The following TCF4 variants were observed in gnomAD, a reference collection of about 807,000 sequenced individuals.
TCF4 encodes the protein SL3-3 enhancer factor 2.
Under a neutral mutation model 82.1 loss-of-function variants are expected in TCF4, and 3 were observed. That is an observed-to-expected ratio of 0.04 (90% CI 0.02 to 0.09). The LOEUF (loss-of-function observed/expected upper bound fraction) is 0.09, where lower values mean the gene tolerates loss of function less well. Among genes scored for constraint, TCF4 ranks in the 10% least tolerant of loss-of-function variants. The pLI is 1.00. For missense variants in TCF4, 518 were observed against 852.7 expected (o/e 0.61, Z 4.89); for synonymous variants, 276 against 309.6 (o/e 0.89, Z 1.14).
intron 6 of TCF4, among the ~76,000 whole-genome samples, chr18:55,393,282 T>G (rs1428577925): frequency 6.6e-6 from 1 of 152,182 alleles, no homozygotes; most frequent in East Asian, 1.9e-4. Flanking sequence ...GAGGATTGCT[T>G]GAGCCCAGGA....
intron 3 of TCF4, among the ~76,000 whole-genome samples, chr18:55,537,417 C>A (rs2097126445): frequency 6.6e-6 from 1 of 152,010 alleles, no homozygotes; most frequent in South Asian, 2.1e-4. Flanking sequence ...TGGCGAAACA[C>A]CATCTCTACA....
intron 2 of TCF4, chr18:55,585,674 C>A (rs1452462769): frequency 2.4e-6 from 2 of 845,548 alleles, no homozygotes; most frequent in East Asian, 5.3e-5. Flanking sequence ...TAGAAAAACA[C>A]TAGTTTCACC....
At chr18:55,242,216 G>A (rs2051469823) in intron 15 of TCF4, among the ~76,000 whole-genome samples, 1 of 152,110 alleles carries the variant, frequency 6.6e-6, no homozygotes, top group African/African-American at 2.4e-5. Flanking sequence ...ATGCATTACA[G>A]ACACCACCCT....
chr18:55,480,276 C>CAA (rs74180500), intron 3 of TCF4, among the ~76,000 whole-genome samples: 6,240 of 27,538 alleles, frequency 0.23, 1,058 homozygotes, highest in East Asian at 0.42. Flanking sequence ...GTAGGAACTC[C>CAA]AAAAAAAAAA....
At chr18:55,582,903 G>A (rs1250640080) in intron 3 of TCF4, among the ~76,000 whole-genome samples, 2 of 152,062 alleles carry the variant, frequency 1.3e-5, no homozygotes, top group African/African-American at 4.8e-5. Context: ...TCTCTCCAAA[G>A]TTTCCTAGTT....
At chr18:55,344,791 G>A (rs1244986984) in intron 8 of TCF4, among the ~76,000 whole-genome samples, 1 of 152,052 alleles carries the variant, frequency 6.6e-6, no homozygotes, top group Non-Finnish European at 1.5e-5. Context: ...GCTTCTTTCT[G>A]GGGGAAGGAA....
chr18:55,341,811 C>T (rs1009666086), intron 8 of TCF4, among the ~76,000 whole-genome samples: 5 of 152,108 alleles, frequency 3.3e-5, no homozygotes, highest in African/African-American at 4.8e-5. Flanking sequence ...ATGTGTTACA[C>T]TTTGTGGGTT....
intron 6 of TCF4, among the ~76,000 whole-genome samples, chr18:55,386,005 T>C (rs2092569585): frequency 6.6e-6 from 1 of 152,188 alleles, no homozygotes; most frequent in Admixed American, 6.5e-5. Context: ...AATCTCAATC[T>C]GCATTCATGA....
chr18:55,605,999 C>G (rs970387992), intron 2 of TCF4, among the ~76,000 whole-genome samples: 1 of 152,212 alleles, frequency 6.6e-6, no homozygotes, highest in Non-Finnish European at 1.5e-5. Context: ...ATCAGAAACT[C>G]CGGGGTGGGC....
upstream of TCF4, among the ~76,000 whole-genome samples, chr18:55,590,445 T>C (rs1285552747): frequency 2.6e-5 from 4 of 152,230 alleles, no homozygotes; most frequent in African/African-American, 9.6e-5. Context: ...CTTTGTAGAC[T>C]CAAATGTAGT....
chr18:55,531,729 A>G (rs887577588), intron 3 of TCF4, among the ~76,000 whole-genome samples: 3 of 152,238 alleles, frequency 2.0e-5, no homozygotes, highest in Admixed American at 2.0e-4. Flanking sequence ...AATAAAGCCT[A>G]GAAAAGTTAT....
intron 3 of TCF4, among the ~76,000 whole-genome samples, chr18:55,493,890 T>TG (rs1413367326): frequency 2.0e-5 from 3 of 152,086 alleles, no homozygotes; most frequent in Admixed American, 6.6e-5. Flanking sequence ...ATCCTGCACC[T>TG]GTCCCATCAA....
At chr18:55,383,245 T>A (rs1482993790) in intron 6 of TCF4, among the ~76,000 whole-genome samples, 1 of 152,238 alleles carries the variant, frequency 6.6e-6, no homozygotes. Flanking sequence ...ATCTTCTTTT[T>A]CACCCAGGTT....
chr18:55,603,686 C>T (rs1480020414), intron 2 of TCF4, among the ~76,000 whole-genome samples: 2 of 152,158 alleles, frequency 1.3e-5, no homozygotes, highest in African/African-American at 4.8e-5. Flanking sequence ...TGCATCTCTG[C>T]TGCTGGTTAA....
At chr18:55,437,780 A>G (rs1198744268) in intron 5 of TCF4, among the ~76,000 whole-genome samples, 1 of 152,234 alleles carries the variant, frequency 6.6e-6, no homozygotes, top group Non-Finnish European at 1.5e-5. Flanking sequence ...GAAGAACTGC[A>G]AAGTGCAATC....
chr18:55,324,741 A>T (rs1444755520), intron 8 of TCF4, among the ~76,000 whole-genome samples: 1 of 152,014 alleles, frequency 6.6e-6, no homozygotes, highest in Non-Finnish European at 1.5e-5. Context: ...GGTTAGCCAC[A>T]CTATACAGAA....
At chr18:55,595,312 G>A (rs1439162290) in intron 2 of TCF4, among the ~76,000 whole-genome samples, 1 of 152,164 alleles carries the variant, frequency 6.6e-6, no homozygotes, top group African/African-American at 2.4e-5. Context: ...TCAATTCACT[G>A]TCTTTCCTCA....
chr18:55,565,445 G>A (rs890538156), intron 3 of TCF4, among the ~76,000 whole-genome samples: 1 of 152,202 alleles, frequency 6.6e-6, no homozygotes, highest in African/African-American at 2.4e-5. Context: ...GCAAATGCCA[G>A]TATCAGCACT....
At chr18:55,319,766 G>A (rs1031409485) in intron 8 of TCF4, among the ~76,000 whole-genome samples, 3 of 151,974 alleles carry the variant, frequency 2.0e-5, no homozygotes, top group South Asian at 2.1e-4. Context: ...ATTTTCTTAC[G>A]GTGGAGGCAA....
Sources: gnomAD v4.1 joint callset for allele counts (sites outside exome capture counted in the v4.1 genomes callset) on GRCh38, gnomAD v4.1.1 for gene constraint, MANE v1.5 for transcripts, NCBI Gene and HGNC (gene_info 2026-07-23, HGNC 2026-07-21) for gene names.